Variants in ZNF138 observed in about 807,000 individuals in gnomAD.
ZNF138 encodes zinc finger protein 138 (clone pHZ-32).
Under a neutral mutation model 33.0 loss-of-function variants are expected in ZNF138, and 33 were observed. The observed-to-expected ratio is 1.00, with a 90% CI of 0.76 to 1.34. The LOEUF (loss-of-function observed/expected upper bound fraction) is 1.34. Among genes scored for constraint, ZNF138 ranks in the 40% most tolerant of loss-of-function variants. ZNF138 has a pLI of 0.00. For synonymous variants in ZNF138, 139 were observed against 120.4 expected, an observed-to-expected ratio of 1.15 and a Z score of -1.01; for missense variants, 360 against 370.8, an observed-to-expected ratio of 0.97 and a Z score of 0.24.
At chr7:64,854,588 C>T in the ZNF138 span, among the ~76,000 whole-genome samples, 1 of 152,130 alleles carries the variant, frequency 6.6e-6, no homozygotes, top group Non-Finnish European at 1.5e-5. Flanking sequence ...TAGATATTTG[C>T]TCTTAGATTA....
At chr7:64,825,518 C>CT (rs1210731158) in intron 3 of ZNF138, among the ~76,000 whole-genome samples, 12 of 147,064 alleles carry the variant, frequency 8.2e-5, no homozygotes, top group East Asian at 6.1e-4. Context: ...TTTTCTTTTT[C>CT]TTTTTTTTGC....
At chr7:64,852,845 A>G in the ZNF138 span, 3 of 849,572 alleles carry the variant, frequency 3.5e-6, no homozygotes, top group Non-Finnish European at 6.2e-6. Flanking sequence ...GACTCTTCCC[A>G]GGACAATCCA....
rs1479324864 is a variant in ZNF138 at position 64,831,660 on chromosome 7, C to A, written c.418C>A (p.Gln140Lys). The part of the protein sequence containing the change: ...CLKITTSKIF[Q>K]CNKYVKVMHK... The stretch of plus-strand genomic sequence containing the variant: ...GAAAATTACCACAAGCAAAATATTT[C>A]AATGTAATAAATATGTAAAAGTCAT... The change falls in exon 4 of 4, where the codon CAA becomes AAA. Residue 140 changes from glutamine to lysine, a missense_variant. Gln to Lys is a moderately conservative substitution (Grantham distance 53). Coordinates refer to ENST00000307355, the MANE Select transcript of ZNF138 (RefSeq NM_001271639.2). The A allele has an allele frequency of 6.2e-7, 1 of 1,608,656 alleles. No homozygotes were observed. The highest frequency in any genetic ancestry group is 8.5e-7 in the Non-Finnish European group (1 of 1,177,962).
chr7:64,825,461 G>A (rs896828255), intron 3 of ZNF138, among the ~76,000 whole-genome samples: 22 of 148,006 alleles, frequency 1.5e-4, no homozygotes, highest in African/African-American at 3.2e-4. Context: ...CTGAGCCACC[G>A]CACCCGGGAT....
chr7:64,817,355 T>C (rs1041962058), intron 3 of ZNF138, among the ~76,000 whole-genome samples: 11 of 152,186 alleles, frequency 7.2e-5, no homozygotes, highest in African/African-American at 2.7e-4. Context: ...GAATTCTCAG[T>C]GGGACCAAGT....
intron 3 of ZNF138, among the ~76,000 whole-genome samples, chr7:64,828,378 C>A (rs1196274727): frequency 6.6e-6 from 1 of 152,076 alleles, no homozygotes; most frequent in Non-Finnish European, 1.5e-5. Context: ...TTTTCAAACA[C>A]TATTTTGTTT....
intron 1 of ZNF138, among the ~76,000 whole-genome samples, chr7:64,812,304 A>G (rs567167236): frequency 9.0e-4 from 4 of 4,444 alleles, no homozygotes; most frequent in South Asian, 0.031. Flanking sequence ...GACTACAGGT[A>G]TTCACCACAC....
chr7:64,846,906 A>G, the ZNF138 span, among the ~76,000 whole-genome samples: 1 of 152,280 alleles, frequency 6.6e-6, no homozygotes, highest in African/African-American at 2.4e-5. Flanking sequence ...TTTGTCATAG[A>G]TGGCTTTTAT....
the ZNF138 span, among the ~76,000 whole-genome samples, chr7:64,848,502 T>C: frequency 1.3e-5 from 2 of 151,898 alleles, no homozygotes; most frequent in East Asian, 3.9e-4. Context: ...GAAGTTGTAA[T>C]TGTTTTTCGT....
downstream of ZNF138, among the ~76,000 whole-genome samples, chr7:64,837,353 T>C (rs975444529): frequency 2.0e-5 from 3 of 152,128 alleles, no homozygotes; most frequent in Non-Finnish European, 2.9e-5. Context: ...CTGGGGTTAT[T>C]ATGGCTGGAC....
the ZNF138 span, among the ~76,000 whole-genome samples, chr7:64,843,301 C>T: frequency 5.6e-4 from 85 of 152,092 alleles, no homozygotes; most frequent in Admixed American, 1.0e-3. Flanking sequence ...ATTCTGATTT[C>T]GTTTGTTTTG....
At chr7:64,824,858 T>C (rs1241970945) in intron 3 of ZNF138, among the ~76,000 whole-genome samples, 2 of 65,492 alleles carry the variant, frequency 3.1e-5, no homozygotes, top group Non-Finnish European at 5.7e-5. Flanking sequence ...ACTCAACGCT[T>C]ATGAGTCTCT....
chr7:64,813,830 G>A lies in ZNF138; in HGVS notation c.4-1088G>A, dbSNP rs149120883. Among the ~76,000 whole-genome samples the A allele has an allele frequency of 4.2e-3, 637 of 152,178 alleles. 8 individuals are homozygous for A. Among genetic ancestry groups the A allele is most frequent in the African/African-American group, 0.015 (605 of 41,510 alleles). On this transcript the variant is annotated intron_variant, in intron 1 of 3. Coordinates refer to ENST00000307355, the MANE Select transcript of ZNF138 (RefSeq NM_001271639.2). ...GTGTTTTTCTGTGTGCATCAACACC[G>A]CATAAAATTTGTCTTAGTGCAGTTG...
At position 64,831,621 on chromosome 7, in the gene ZNF138, C is replaced by G; in HGVS notation, c.379C>G (p.Leu127Val). Residue 127 changes from leucine to valine, a missense_variant, in exon 4 of 4, where the codon CTT becomes GTT. Transcript: ENST00000307355. ...CKGHQGGFNG[L>V]NQCLKITTSK... ...GGGACACCAAGGAGGTTTTAATGGA[C>G]TTAACCAATGTTTGAAAATTACCAC... 6.2e-7 allele frequency: 1 copy of G among 1,610,560 alleles called. No individual in the cohort carries two copies.
chr7:64,821,915 CTTTTTTT>C (rs143245584), intron 3 of ZNF138, among the ~76,000 whole-genome samples: 2 of 85,680 alleles, frequency 2.3e-5, no homozygotes, highest in African/African-American at 5.0e-5. Context: ...CAAATATTGT[CTTTTTTT>C]TTTTTTTTTT....
At chr7:64,801,043 C>A (rs1176385344) in intron 1 of ZNF138, among the ~76,000 whole-genome samples, 1 of 151,994 alleles carries the variant, frequency 6.6e-6, no homozygotes, top group Non-Finnish European at 1.5e-5. Flanking sequence ...TTTGTCATTT[C>A]TAATTGTATT....
chr7:64,807,377 G>A (rs916729985), intron 1 of ZNF138, among the ~76,000 whole-genome samples: 5 of 152,172 alleles, frequency 3.3e-5, no homozygotes, highest in Non-Finnish European at 5.9e-5. Flanking sequence ...GCTAATCAAA[G>A]CGCAGATTTC....
downstream of ZNF138, chr7:64,835,960 T>C (rs967225708): frequency 6.6e-6 from 1 of 152,214 alleles, no homozygotes; most frequent in Non-Finnish European, 1.5e-5. Context: ...GTCCTGACTA[T>C]ATAGGGTCAG....
At chr7:64,809,652 CT>C (rs1787961070) in intron 1 of ZNF138, among the ~76,000 whole-genome samples, 1 of 150,140 alleles carries the variant, frequency 6.7e-6, no homozygotes. Flanking sequence ...ACGCTCCTCA[CT>C]TCCCAGATGG....
Sources: allele counts gnomAD v4.1 joint callset (sites outside exome capture counted in the v4.1 genomes callset), GRCh38; gene constraint gnomAD v4.1.1; transcripts MANE v1.5; gene names NCBI Gene and HGNC (gene_info 2026-07-23, HGNC 2026-07-21).